The following ADGRL4 variants were observed in gnomAD, a reference collection of about 807,000 sequenced individuals.
The protein encoded by ADGRL4 is EGF, latrophilin and seven transmembrane domain containing 1.
ADGRL4 carries 90 observed loss-of-function variants against 74.8 expected under a neutral mutation model. The ratio of observed to expected loss-of-function variants is 1.20; its 90% CI spans 1.02 to 1.43. ADGRL4 has a LOEUF of 1.43. ADGRL4 is among the 40% of genes most tolerant of loss of function. ADGRL4 has a pLI of 0.00. For missense variants in ADGRL4, 881 were observed against 814.3 expected (o/e 1.08, Z -1.00); for synonymous variants, 311 against 279.2 (o/e 1.11, Z -1.14).
chr1:78,944,263 T>C (rs183202585), intron 3 of ADGRL4, among the ~76,000 whole-genome samples: 1 of 152,278 alleles, frequency 6.6e-6, no homozygotes, highest in Admixed American at 6.5e-5. Flanking sequence ...TAAAACTGTA[T>C]TAAATTACAG....
chr1:78,932,894 T>C lies in ADGRL4; in HGVS notation c.877+3401A>G, dbSNP rs888757740. ...ACCAAGAAAAAGTCGAATCCCTGAA[T>C]AGACCAATAACAAGTTCTGAAATTG... On this transcript the variant is annotated intron_variant, in intron 7 of 14. Coordinates refer to ENST00000370742, the MANE Select transcript of ADGRL4 (RefSeq NM_022159.4). 4.0e-5 allele frequency among the ~76,000 whole-genome samples: 6 copies of C among 151,528 alleles called. 1 individual carries two copies. The highest frequency in any genetic ancestry group is 3.4e-3 in the Middle Eastern group (1 of 294).
Position 78,891,706 on chromosome 1 carries a change from G to C in ADGRL4, c.1842-14C>G. The C allele has an allele frequency of 6.3e-7, 1 of 1,597,084 alleles. No homozygotes were observed. Among genetic ancestry groups the C allele is most frequent in the Non-Finnish European group, 8.5e-7 (1 of 1,174,178 alleles). On this transcript the variant is annotated splice_polypyrimidine_tract_variant and intron_variant, in intron 13 of 14. Coordinates refer to ENST00000370742, the MANE Select transcript of ADGRL4 (RefSeq NM_022159.4). The stretch of plus-strand genomic sequence containing the variant: ...CTTGCACAAGACCTATCACATATGA[G>C]AAATGCGTCAGTGAAGAAAGCTACG...
chr1:78,984,995 C>T (rs1278217217), intron 2 of ADGRL4, among the ~76,000 whole-genome samples: 1 of 151,638 alleles, frequency 6.6e-6, no homozygotes, highest in Non-Finnish European at 1.5e-5. Context: ...GTTAAAAATT[C>T]TCAGCACCTA....
intron 2 of ADGRL4, among the ~76,000 whole-genome samples, chr1:78,954,061 G>A (rs544253504): frequency 1.2e-4 from 19 of 152,192 alleles, no homozygotes; most frequent in African/African-American, 3.1e-4. Context: ...CAGGAGAATC[G>A]CTTGAACCTG....
intron 12 of ADGRL4, among the ~76,000 whole-genome samples, chr1:78,898,928 A>G (rs569553913): frequency 6.6e-6 from 1 of 152,298 alleles, no homozygotes; most frequent in East Asian, 1.9e-4. Context: ...AAGAACGACA[A>G]CTAATTCTGA....
chr1:79,003,515 T>C (rs1650884903), intron 2 of ADGRL4, among the ~76,000 whole-genome samples: 1 of 151,820 alleles, frequency 6.6e-6, no homozygotes, highest in Non-Finnish European at 1.5e-5. Context: ...ATTTTTTTTT[T>C]CCAATGGAAA....
At position 78,917,858 on chromosome 1, in the gene ADGRL4, C is replaced by T. The variant is rs1008840372; in HGVS notation, c.1654G>A (p.Gly552Arg). The T allele has an allele frequency of 6.2e-7, 1 of 1,612,434 alleles. No homozygotes were observed. Among genetic ancestry groups the T allele is most frequent in the African/African-American group, 1.3e-5 (1 of 74,754 alleles). Residue 552 changes from glycine (G) to arginine (R), a missense_variant, in exon 11 of 15, where the codon GGA becomes AGA. Transcript: ENST00000370742. ...TTGGTTGTGCCATAATATCTGTATC[C>T]TAGTGCTGCCGAAAATCCAACTACC... ...AVVVGFSAAL[G>R]YRYYGTTKVC... is the part of the protein sequence containing the mutation.
At chr1:78,906,353 G>T (rs1006053800) in intron 12 of ADGRL4, among the ~76,000 whole-genome samples, 5 of 151,620 alleles carry the variant, frequency 3.3e-5, no homozygotes, top group Admixed American at 6.6e-5. Flanking sequence ...TTTAATAGTG[G>T]TTTTTTTTAG....
intron 2 of ADGRL4, among the ~76,000 whole-genome samples, chr1:78,968,864 G>A (rs1404810686): frequency 6.6e-6 from 1 of 152,118 alleles, no homozygotes; most frequent in Non-Finnish European, 1.5e-5. Flanking sequence ...ACAGAATTTT[G>A]ACAGATGCTC....
In ADGRL4 at chr1:78,938,144, T is replaced by G. The variant is rs1413956013; in HGVS notation, c.532A>C (p.Asn178His). ...AGGGTGTCCTTGGCTGAGATAGTGT[T>G]GTTCTTGTAACCTAGTAATGAAGAT... ...ESSSLLGYKN[N>H]TISAKDTLSN... Residue 178 changes from asparagine to histidine, a missense_variant, in exon 5 of 15, where the codon AAC becomes CAC. Asn to His is a moderately conservative substitution (Grantham distance 68, BLOSUM62 1). Coordinates refer to ENST00000370742, the MANE Select transcript of ADGRL4 (RefSeq NM_022159.4). 1 of 1,613,258 alleles carries G rather than the reference T, an allele frequency of 6.2e-7. No individual in the cohort carries two copies. The highest frequency in any genetic ancestry group is 1.7e-5 in the Admixed American group (1 of 59,910).
intron 2 of ADGRL4, among the ~76,000 whole-genome samples, chr1:79,002,928 C>T (rs1208834361): frequency 1.3e-5 from 2 of 152,044 alleles, no homozygotes; most frequent in Non-Finnish European, 2.9e-5. Flanking sequence ...TCAAAACTTG[C>T]TCTTTTAATA....
chr1:78,904,424 A>T (rs1020221053), intron 12 of ADGRL4, among the ~76,000 whole-genome samples: 2 of 152,038 alleles, frequency 1.3e-5, no homozygotes, highest in Non-Finnish European at 2.9e-5. Context: ...AAATATTGTT[A>T]TTTCATCTTT....
At chr1:78,948,117 C>G (rs1649647432) in intron 2 of ADGRL4, among the ~76,000 whole-genome samples, 1 of 151,992 alleles carries the variant, frequency 6.6e-6, no homozygotes, top group Non-Finnish European at 1.5e-5. Context: ...TTTACTTTAC[C>G]ATAGTTACCT....
rs550015597 is a variant in ADGRL4 at position 78,945,151 on chromosome 1, C to T, written c.325+1123G>A. ...CTGCACTCCAGCCTGGGCGACAGAGCGAGACTCTGTCTCAAAAAAAAAAAA... is the reference window on the plus strand; with the variant it reads ...CTGCACTCCAGCCTGGGCGACAGAGTGAGACTCTGTCTCAAAAAAAAAAAA... On this transcript the variant is annotated intron_variant, in intron 3 of 14. Transcript: ENST00000370742. 2.3e-3 allele frequency among the ~76,000 whole-genome samples: 260 copies of T among 110,838 alleles called. 2 individuals carry two copies. Among genetic ancestry groups the T allele is most frequent in the Middle Eastern group, 0.021 (4 of 194 alleles). 72.7% of individuals were successfully genotyped at this position (110,838 alleles called of 152,430 possible).
chr1:78,913,610 T>C (rs1179920308), intron 12 of ADGRL4, among the ~76,000 whole-genome samples: 1 of 151,824 alleles, frequency 6.6e-6, no homozygotes, highest in East Asian at 2.0e-4. Context: ...CAGCAGACAT[T>C]GGAGCCTACT....
chr1:78,973,817 T>C (rs757859734), intron 2 of ADGRL4, among the ~76,000 whole-genome samples: 1 of 152,048 alleles, frequency 6.6e-6, no homozygotes, highest in East Asian at 1.9e-4. Context: ...TTTTCTTATA[T>C]ACTCTTGTAT....
At chr1:78,928,355 C>A (rs1304927081) in intron 7 of ADGRL4, among the ~76,000 whole-genome samples, 1 of 151,352 alleles carries the variant, frequency 6.6e-6, no homozygotes, top group East Asian at 1.9e-4. Flanking sequence ...GGGTTTTGAA[C>A]TTCTTCAATT....
intron 2 of ADGRL4, among the ~76,000 whole-genome samples, chr1:78,971,382 G>T (rs1197875276): frequency 1.3e-5 from 2 of 152,118 alleles, no homozygotes; most frequent in Middle Eastern, 3.2e-3. Context: ...GGGAATGAGA[G>T]AGCCAGGTGG....
intron 2 of ADGRL4, among the ~76,000 whole-genome samples, chr1:78,973,892 C>T (rs529895436): frequency 6.6e-6 from 1 of 152,126 alleles, no homozygotes. Flanking sequence ...TAAACTAAGG[C>T]TAGAACAACT....
Sources: allele counts gnomAD v4.1 joint callset (sites outside exome capture counted in the v4.1 genomes callset), GRCh38; gene constraint gnomAD v4.1.1; transcripts MANE v1.5; gene names NCBI Gene and HGNC (gene_info 2026-07-23, HGNC 2026-07-21).